CCDC149: variants seen among roughly 807,000 people sequenced by gnomAD.
CCDC149 encodes coiled-coil domain-containing protein 149.
Under a neutral mutation model 59.9 loss-of-function variants are expected in CCDC149, and 45 were observed. That is an observed-to-expected ratio of 0.75 (90% CI 0.59 to 0.96). The LOEUF (loss-of-function observed/expected upper bound fraction) is 0.96, where lower values mean the gene tolerates loss of function less well. Among genes scored for constraint, CCDC149 ranks in the 40% least tolerant of loss-of-function variants. The pLI, the probability that CCDC149 is intolerant of heterozygous loss-of-function variation, is 0.00. For missense variants in CCDC149, 584 were observed against 664.7 expected (o/e 0.88, Z 1.33); for synonymous variants, 245 against 260.6 (o/e 0.94, Z 0.58).
chr4:24,887,616 T>C lies in CCDC149; in HGVS notation c.64-10919A>G, dbSNP rs547561130. 2.0e-5 allele frequency among the ~76,000 whole-genome samples: 3 copies of C among 151,942 alleles called. No individual in the cohort carries two copies. The South Asian group carries it at 6.3e-4, about 32-fold the overall frequency. On this transcript the variant is annotated intron_variant, in intron 1 of 12. Coordinates refer to ENST00000635206, the MANE Select transcript of CCDC149 (RefSeq NM_001330643.2). ...TTCCCACCCAACAAATGGCTCCAGGTGAACAGCATTCAACAATCAACCTCC... is the reference window on the plus strand; with the variant it reads ...TTCCCACCCAACAAATGGCTCCAGGCGAACAGCATTCAACAATCAACCTCC...
chr4:24,937,202 G>T (rs1722808670), intron 1 of CCDC149, among the ~76,000 whole-genome samples: 1 of 152,196 alleles, frequency 6.6e-6, no homozygotes. Flanking sequence ...ACTTGGCTGG[G>T]AAAGAGACAG....
Position 24,975,611 on chromosome 4 carries a change from C to T in CCDC149, c.-65+4458G>A, listed in dbSNP as rs114882567. Among the ~76,000 whole-genome samples the T allele has an allele frequency of 1.8e-3, 274 of 150,134 alleles. 1 individual carries two copies. Among genetic ancestry groups the T allele is most frequent in the African/African-American group, 5.5e-3 (226 of 40,938 alleles). ...GGAAGGGGAGGAGAGAGGAAGCATA[C>T]GTCCTGGGGAAGGAGCTCATTGATG... On this transcript the variant is annotated intron_variant, in intron 1 of 12. Transcript: ENST00000389609.
intron 1 of CCDC149, among the ~76,000 whole-genome samples, chr4:24,894,102 T>C (rs992434588): frequency 2.6e-5 from 4 of 152,202 alleles, no homozygotes; most frequent in African/African-American, 9.7e-5. Flanking sequence ...TGTCTACTTA[T>C]CTTTTAGCTG....
chr4:24,879,949 C>T (rs1577443999), intron 1 of CCDC149, among the ~76,000 whole-genome samples: 1 of 152,286 alleles, frequency 6.6e-6, no homozygotes, highest in East Asian at 1.9e-4. Context: ...GACTGAGAGG[C>T]CACAGATAGC....
chr4:24,912,670 CG>C (rs1721947622), intron 1 of CCDC149, 146 bp downstream of exon 1: 1 of 367,710 alleles, frequency 2.7e-6, no homozygotes, highest in East Asian at 6.4e-5. Context: ...GCGCACCTGG[CG>C]GGGTCGCGCG....
chr4:24,908,108 T>TTC (rs1721645007), intron 1 of CCDC149, among the ~76,000 whole-genome samples: 3 of 152,116 alleles, frequency 2.0e-5, no homozygotes, highest in Admixed American at 2.0e-4. Context: ...TACTTCCAAA[T>TTC]AAGGTCACAT....
chr4:24,821,174 A>G (rs769011227), intron 10 of CCDC149, 87 bp from the exon 11 acceptor site: 107 of 684,918 alleles, frequency 1.6e-4, no homozygotes, highest in Non-Finnish European at 2.0e-4. Flanking sequence ...AAAACCATAG[A>G]AAATTCTCGG....
chr4:24,911,992 C>T (rs777590077), intron 1 of CCDC149, among the ~76,000 whole-genome samples: 2 of 152,208 alleles, frequency 1.3e-5, no homozygotes, highest in Non-Finnish European at 2.9e-5. Flanking sequence ...ATTGCCCCCA[C>T]AAATGGTGGC....
chr4:24,907,183 C>T (rs925717215), intron 1 of CCDC149, among the ~76,000 whole-genome samples: 2 of 152,166 alleles, frequency 1.3e-5, no homozygotes, highest in Admixed American at 1.3e-4. Flanking sequence ...CTGCCTTGCC[C>T]GGCAGAGGCC....
chr4:24,868,122 C>G (rs915680543), intron 3 of CCDC149, among the ~76,000 whole-genome samples: 1 of 152,180 alleles, frequency 6.6e-6, no homozygotes. Context: ...CAGGAGACCC[C>G]ATCTCAGGGT....
chr4:24,958,509 A>G (rs972708947), intron 1 of CCDC149, among the ~76,000 whole-genome samples: 1 of 152,208 alleles, frequency 6.6e-6, no homozygotes, highest in Non-Finnish European at 1.5e-5. Flanking sequence ...AATTCTATCA[A>G]CTATTCCACC....
At chr4:24,979,289 A>C (rs1294020615) in intron 1 of CCDC149, among the ~76,000 whole-genome samples, 1 of 152,218 alleles carries the variant, frequency 6.6e-6, no homozygotes, top group Non-Finnish European at 1.5e-5. Flanking sequence ...ACCACCAGGA[A>C]CAGGGAATGC....
chr4:24,826,202 T>G (rs904176303), intron 9 of CCDC149, among the ~76,000 whole-genome samples: 1 of 152,060 alleles, frequency 6.6e-6, no homozygotes, highest in Non-Finnish European at 1.5e-5. Flanking sequence ...TCAGGCAACC[T>G]GCCCACCTCA....
At chr4:24,929,380 C>A (rs1213681178) in intron 1 of CCDC149, among the ~76,000 whole-genome samples, 1 of 152,130 alleles carries the variant, frequency 6.6e-6, no homozygotes, top group Non-Finnish European at 1.5e-5. Flanking sequence ...AATCTCTTCT[C>A]CCTCCTAATC....
intron 3 of CCDC149, among the ~76,000 whole-genome samples, chr4:24,869,597 A>C (rs1674911206): frequency 6.6e-6 from 1 of 152,176 alleles, no homozygotes; most frequent in Admixed American, 6.5e-5. Context: ...TTGTTTAAAA[A>C]AGAGATGACA....
rs371812850 is a variant in CCDC149 at position 24,837,337 on chromosome 4, G to T, written c.553C>A (p.Arg185=). Reference sequence around the variant, plus strand: ...TCCACTTTGTCCTGGTAGGAAGACCGTTCTTCTTTAACATCCTGAAGCTCG... The same window carrying T: ...TCCACTTTGTCCTGGTAGGAAGACCTTTCTTCTTTAACATCCTGAAGCTCG... The change falls in exon 6 of 13, where the codon CGG becomes AGG. Residue 185 remains arginine (R), a synonymous_variant. Coordinates refer to ENST00000635206, the MANE Select transcript of CCDC149 (RefSeq NM_001330643.2). This position sits in a 1 kb window ranked among gnomAD's most constrained non-coding sequence, Gnocchi z 4.3. The T allele has an allele frequency of 1.9e-6, 3 of 1,614,126 alleles. No individual in the cohort carries two copies. The highest frequency in any genetic ancestry group is 2.5e-6 in the Non-Finnish European group (3 of 1,180,016).
chr4:24,933,494 A>AT (rs1415104671), intron 1 of CCDC149, among the ~76,000 whole-genome samples: 1 of 152,198 alleles, frequency 6.6e-6, no homozygotes, highest in Non-Finnish European at 1.5e-5. Flanking sequence ...GATGAGTATA[A>AT]TTTTTTGTGG....
At chr4:24,821,266 GA>G (rs537302468) in intron 10 of CCDC149, among the ~76,000 whole-genome samples, 179 bp from the exon 11 acceptor site, 47 of 143,418 alleles carry the variant, frequency 3.3e-4, no homozygotes, top group South Asian at 6.6e-4. Context: ...ACTCATTTGA[GA>G]AAAAAAAAAA....
intron 3 of CCDC149, among the ~76,000 whole-genome samples, chr4:24,857,930 C>T (rs1335977368): frequency 2.0e-5 from 3 of 152,122 alleles, no homozygotes; most frequent in African/African-American, 7.2e-5. Context: ...TCTATTCAGT[C>T]CCTCCACCTC....
Sources: allele counts gnomAD v4.1 joint callset (sites outside exome capture counted in the v4.1 genomes callset), GRCh38; gene constraint gnomAD v4.1.1; non-coding constraint Gnocchi (gnomAD v3.1); transcripts MANE v1.5; gene names NCBI Gene and HGNC (gene_info 2026-07-23, HGNC 2026-07-21).